ACSS3: variants seen among roughly 807,000 people sequenced by gnomAD.
The protein encoded by ACSS3 is acyl-CoA synthetase short chain family member 3.
In ACSS3, 64 loss-of-function variants were observed where a neutral mutation model predicts 84.2. That is an observed-to-expected ratio of 0.76 (90% CI 0.62 to 0.94). The LOEUF (loss-of-function observed/expected upper bound fraction) is 0.94. Among genes scored for constraint, ACSS3 ranks in the 40% least tolerant of loss-of-function variants. The probability of loss-of-function intolerance (pLI) is 0.00; values close to 1 mark genes in which losing one functional copy is unlikely to be tolerated. For missense variants in ACSS3, 815 were observed against 867.6 expected, an observed-to-expected ratio of 0.94 and a Z score of 0.76; for synonymous variants, 317 against 310.1, an observed-to-expected ratio of 1.02 and a Z score of -0.23.
chr12:81,194,951 G>T (rs1454817064), intron 8 of ACSS3, among the ~76,000 whole-genome samples: 2 of 151,900 alleles, frequency 1.3e-5, no homozygotes, highest in African/African-American at 2.4e-5. Flanking sequence ...TAGTTTTTTA[G>T]TTGACAATGT....
chr12:81,148,043 A>G (rs1383372646), intron 5 of ACSS3, among the ~76,000 whole-genome samples: 3 of 151,910 alleles, frequency 2.0e-5, no homozygotes, highest in Non-Finnish European at 4.4e-5. Flanking sequence ...ATGATTCTTT[A>G]TTACAAAATA....
chr12:81,253,215 T>G, intron 13 of ACSS3, 92 bp from the exon 14 acceptor site: 3 of 1,319,242 alleles, frequency 2.3e-6, no homozygotes, highest in Non-Finnish European at 3.2e-6. Context: ...TTATATGTGT[T>G]TGTATATCTA....
At position 81,223,363 on chromosome 12, in the gene ACSS3, A is replaced by G. The variant is rs367730927; in HGVS notation, c.1514+3287A>G. 2.8e-4 allele frequency among the ~76,000 whole-genome samples: 43 copies of G among 152,186 alleles called. No homozygotes were observed. The South Asian group carries it at 5.8e-3, about 21-fold the overall frequency. Reference sequence around the variant, plus strand: ...GATATGGTTAACGATGCCTGTTCACATATTTACAGCTTCACGTAAATGATT... The same window carrying G: ...GATATGGTTAACGATGCCTGTTCACGTATTTACAGCTTCACGTAAATGATT... On this transcript the variant is annotated intron_variant, in intron 11 of 15. Transcript: ENST00000548058.
At chr12:81,177,069 G>T (rs1433258131) in intron 8 of ACSS3, among the ~76,000 whole-genome samples, 1 of 152,124 alleles carries the variant, frequency 6.6e-6, no homozygotes, top group Non-Finnish European at 1.5e-5. Context: ...CAAAAGCTGT[G>T]TGATTATCTC....
Position 81,095,862 on chromosome 12 carries a change from G to A in ACSS3, c.312-13698G>A, listed in dbSNP as rs543461278. The stretch of plus-strand genomic sequence containing the variant: ...ATGTAGGAAGGATCGGTGGGACTAA[G>A]GAATGCCTCTGTCTTTACATCAGGT... On this transcript the variant is annotated intron_variant, in intron 1 of 15. Transcript: ENST00000548058. Among the ~76,000 whole-genome samples, 8 of 152,270 alleles carry A rather than the reference G, an allele frequency of 5.3e-5. No individual in the cohort carries two copies. The South Asian group carries it at 6.2e-4, about 12-fold the overall frequency.
At position 81,172,259 on chromosome 12, in the gene ACSS3, C is replaced by CAAAAAAAAAAAAAAAA. The variant is rs775755412; in HGVS notation, c.1099-2526_1099-2511dup. On this transcript the variant is annotated intron_variant, in intron 7 of 15. Transcript: ENST00000548058. ...CCAGCCTGAGAGTGAGGCTCTGTCT[C>CAAAAAAAAAAAAAAAA]AAAAAAAAAAAAAAAAAAGGCCCTG... is the stretch of plus-strand genomic sequence containing the variant. Among the ~76,000 whole-genome samples, 4 of 56,980 alleles carry CAAAAAAAAAAAAAAAA rather than the reference C, an allele frequency of 7.0e-5. 1 individual carries two copies. The highest frequency in any genetic ancestry group is 9.4e-5 in the Non-Finnish European group (3 of 31,986). 37.4% of individuals were successfully genotyped at this position (56,980 alleles called of 152,430 possible).
At chr12:81,094,406 C>T (rs1565971928) in intron 1 of ACSS3, 1 of 152,150 alleles carries the variant, frequency 6.6e-6, no homozygotes, top group Non-Finnish European at 1.5e-5. Context: ...ACATTAGTTT[C>T]AGATCTTTTT....
chr12:81,094,103 C>T (rs1293847303), intron 1 of ACSS3, among the ~76,000 whole-genome samples: 2 of 151,546 alleles, frequency 1.3e-5, no homozygotes, highest in African/African-American at 4.8e-5. Context: ...TTTTATAAAT[C>T]GGCAGATAGA....
chr12:81,081,222 T>A (rs1880953712), intron 1 of ACSS3, among the ~76,000 whole-genome samples: 1 of 152,236 alleles, frequency 6.6e-6, no homozygotes. Context: ...ATTCTATGCA[T>A]GCAGTAATAT....
At chr12:81,083,373 T>C (rs1251745063) in intron 1 of ACSS3, among the ~76,000 whole-genome samples, 3 of 151,280 alleles carry the variant, frequency 2.0e-5, no homozygotes, top group African/African-American at 7.3e-5. Flanking sequence ...TTTTTTTTCT[T>C]TTGAGACGGA....
chr12:81,140,932 A>G (rs1429637436), intron 4 of ACSS3, among the ~76,000 whole-genome samples: 2 of 152,142 alleles, frequency 1.3e-5, no homozygotes, highest in African/African-American at 4.8e-5. Flanking sequence ...TTTCTTATTT[A>G]ATTCTAACAA....
intron 11 of ACSS3, among the ~76,000 whole-genome samples, chr12:81,230,842 T>C (rs2033434730): frequency 6.6e-6 from 1 of 151,884 alleles, no homozygotes; most frequent in Non-Finnish European, 1.5e-5. Context: ...TTGTGCACTT[T>C]CCAGAGACTA....
At chr12:81,224,548 A>T in intron 11 of ACSS3, among the ~76,000 whole-genome samples, 1 of 133,702 alleles carries the variant, frequency 7.5e-6, no homozygotes, top group Middle Eastern at 4.1e-3. Context: ...ATATACATAC[A>T]TACATATATA....
chr12:81,183,613 C>G (rs1187039256), intron 8 of ACSS3, among the ~76,000 whole-genome samples: 2 of 152,082 alleles, frequency 1.3e-5, no homozygotes, highest in African/African-American at 2.4e-5. Flanking sequence ...GGGGAACATC[C>G]ATGTAAATGC....
intron 9 of ACSS3, among the ~76,000 whole-genome samples, chr12:81,202,341 C>T (rs1056010264): frequency 4.0e-5 from 6 of 151,586 alleles, no homozygotes; most frequent in African/African-American, 1.5e-4. Flanking sequence ...CCATTCTTTC[C>T]TAAGGTGCTA....
intron 8 of ACSS3, among the ~76,000 whole-genome samples, chr12:81,180,515 C>T (rs187328006): frequency 6.6e-6 from 1 of 152,052 alleles, no homozygotes; most frequent in Non-Finnish European, 1.5e-5. Flanking sequence ...ATCTATCTGT[C>T]TGTCTATATT....
chr12:81,194,187 GT>G (rs2031716353), intron 8 of ACSS3, among the ~76,000 whole-genome samples: 1 of 151,424 alleles, frequency 6.6e-6, no homozygotes, highest in Non-Finnish European at 1.5e-5. Flanking sequence ...TTATTATCAT[GT>G]TTAAAAAAGG....
chr12:81,242,267 A>G (rs1343432291), intron 13 of ACSS3, among the ~76,000 whole-genome samples: 2 of 152,202 alleles, frequency 1.3e-5, no homozygotes, highest in Non-Finnish European at 2.9e-5. Context: ...GAAGAAATGG[A>G]TAAATTCCTC....
intron 1 of ACSS3, among the ~76,000 whole-genome samples, chr12:81,083,145 C>T (rs1881093382): frequency 6.6e-6 from 1 of 152,128 alleles, no homozygotes; most frequent in South Asian, 2.1e-4. Flanking sequence ...GTCTGAGTTG[C>T]TGGGACTTAC....
Sources: allele counts gnomAD v4.1 joint callset (sites outside exome capture counted in the v4.1 genomes callset), GRCh38; gene constraint gnomAD v4.1.1; transcripts MANE v1.5; gene names NCBI Gene and HGNC (gene_info 2026-07-23, HGNC 2026-07-21).